The following AGBL4 variants were observed in gnomAD, a reference collection of about 807,000 sequenced individuals.
AGBL4 encodes the protein cytosolic carboxypeptidase 6.
A neutral mutation model predicts 66.4 loss-of-function variants in AGBL4; 58 were observed. That is an observed-to-expected ratio of 0.87 (90% CI 0.71 to 1.09). The LOEUF (loss-of-function observed/expected upper bound fraction) is 1.09, where lower values mean the gene tolerates loss of function less well. Among genes scored for constraint, AGBL4 ranks in the 50% least tolerant of loss-of-function variants. The probability of loss-of-function intolerance (pLI) is 0.00; values close to 1 mark genes in which losing one functional copy is unlikely to be tolerated. For missense variants in AGBL4, 579 were observed against 631.0 expected (o/e 0.92, Z 0.88); for synonymous variants, 234 against 222.9 (o/e 1.05, Z -0.44).
At chr1:49,687,832 A>C (rs1646815373) in intron 3 of AGBL4, among the ~76,000 whole-genome samples, 1 of 152,178 alleles carries the variant, frequency 6.6e-6, no homozygotes, top group Admixed American at 6.5e-5. Flanking sequence ...CCACACTTAC[A>C]CTAAAATTGA....
At chr1:49,040,312 A>G (rs1219755925) in intron 5 of AGBL4, among the ~76,000 whole-genome samples, 1 of 152,054 alleles carries the variant, frequency 6.6e-6, no homozygotes, top group East Asian at 1.9e-4. Context: ...AATTACAGAT[A>G]ATTCTAAGTG....
At chr1:49,636,913 A>G (rs777809792) in intron 3 of AGBL4, among the ~76,000 whole-genome samples, 16 of 152,212 alleles carry the variant, frequency 1.1e-4, no homozygotes, top group Non-Finnish European at 2.2e-4. Flanking sequence ...GCCAAAGGAG[A>G]TTAACATTTG....
At chr1:49,074,060 C>T (rs1644663222) in intron 4 of AGBL4, among the ~76,000 whole-genome samples, 1 of 152,210 alleles carries the variant, frequency 6.6e-6, no homozygotes, top group African/African-American at 2.4e-5. Context: ...CTACTCAAGC[C>T]TCAGCAATGG....
rs751538927 is a variant in AGBL4 at position 49,465,450 on chromosome 1, A to G, written c.283-219586T>C. Among the ~76,000 whole-genome samples the G allele has an allele frequency of 2.6e-5, 4 of 151,726 alleles. 1 individual carries two copies. Among genetic ancestry groups the G allele is most frequent in the Non-Finnish European group, 5.9e-5 (4 of 67,856 alleles). Reference sequence around the variant, plus strand: ...CAGACTACTGTGGGGCTCACAGGAGATAAGGAGCTTTAAAGTGATATAGAA... The same window carrying G: ...CAGACTACTGTGGGGCTCACAGGAGGTAAGGAGCTTTAAAGTGATATAGAA... On this transcript the variant is annotated intron_variant, in intron 3 of 13. Coordinates refer to ENST00000371839, the MANE Select transcript of AGBL4 (RefSeq NM_032785.4).
At chr1:49,896,820 G>A (rs765842278) in intron 1 of AGBL4, among the ~76,000 whole-genome samples, 14 of 151,962 alleles carry the variant, frequency 9.2e-5, no homozygotes, top group Non-Finnish European at 1.8e-4. Flanking sequence ...AAATCAATCA[G>A]TGTGATACAT....
At chr1:49,959,807 T>A (rs1259045737) in intron 1 of AGBL4, among the ~76,000 whole-genome samples, 1 of 151,976 alleles carries the variant, frequency 6.6e-6, no homozygotes, top group African/African-American at 2.4e-5. Flanking sequence ...GTAAACTGGA[T>A]AAAGAAAATG....
intron 6 of AGBL4, among the ~76,000 whole-genome samples, chr1:48,748,573 T>C (rs1216733218): frequency 6.6e-6 from 1 of 152,080 alleles, no homozygotes; most frequent in Non-Finnish European, 1.5e-5. Flanking sequence ...ACTTCTGTGT[T>C]GGGGCTTGGA....
At chr1:48,595,322 A>G (rs1644979156) in intron 9 of AGBL4, among the ~76,000 whole-genome samples, 1 of 152,212 alleles carries the variant, frequency 6.6e-6, no homozygotes, top group Non-Finnish European at 1.5e-5. Context: ...CCTGGTATAT[A>G]GTAGGTCATC....
At chr1:50,010,580 A>G (rs1557658525) in intron 1 of AGBL4, among the ~76,000 whole-genome samples, 1 of 152,132 alleles carries the variant, frequency 6.6e-6, no homozygotes, top group Non-Finnish European at 1.5e-5. Context: ...TGATAGAGCT[A>G]TAGTAACCAA....
At chr1:49,579,949 C>G (rs1193746068) in intron 3 of AGBL4, among the ~76,000 whole-genome samples, 1 of 152,088 alleles carries the variant, frequency 6.6e-6, no homozygotes, top group Non-Finnish European at 1.5e-5. Context: ...GCTGTCTCTC[C>G]CTTTAGGTCT....
chr1:48,929,879 C>T (rs1380967432), intron 5 of AGBL4, among the ~76,000 whole-genome samples: 1 of 152,178 alleles, frequency 6.6e-6, no homozygotes, highest in Non-Finnish European at 1.5e-5. Flanking sequence ...AGACTTTTCT[C>T]TGATTTTATT....
At chr1:49,211,213 T>C (rs1030224500) in intron 4 of AGBL4, among the ~76,000 whole-genome samples, 1 of 152,128 alleles carries the variant, frequency 6.6e-6, no homozygotes, top group African/African-American at 2.4e-5. Context: ...TTGAAATGTC[T>C]CTCTTATTTT....
chr1:49,170,333 A>G (rs987036388), intron 4 of AGBL4, among the ~76,000 whole-genome samples: 1 of 143,430 alleles, frequency 7.0e-6, no homozygotes, highest in African/African-American at 2.5e-5. Flanking sequence ...TCATATAAAT[A>G]TCATATATTA....
chr1:49,700,062 G>A (rs1186329043), intron 2 of AGBL4, among the ~76,000 whole-genome samples: 24 of 151,020 alleles, frequency 1.6e-4, no homozygotes, highest in African/African-American at 5.1e-4. Context: ...TTTTATTTTG[G>A]ATATAATATC....
At chr1:48,602,628 G>C (rs6672623) in intron 9 of AGBL4, among the ~76,000 whole-genome samples, 6 of 152,124 alleles carry the variant, frequency 3.9e-5, no homozygotes, top group Non-Finnish European at 5.9e-5. Flanking sequence ...AGAAGTGTTC[G>C]AGGGTGCCAA....
At chr1:49,387,948 T>C (rs1644768596) in intron 3 of AGBL4, among the ~76,000 whole-genome samples, 1 of 152,046 alleles carries the variant, frequency 6.6e-6, no homozygotes, top group African/African-American at 2.4e-5. Flanking sequence ...ACTGTAGTCT[T>C]GGTCAAGTTA....
At chr1:49,465,150 T>A (rs753315408) in intron 3 of AGBL4, among the ~76,000 whole-genome samples, 3 of 150,580 alleles carry the variant, frequency 2.0e-5, no homozygotes, top group Non-Finnish European at 4.4e-5. Context: ...TATTCTGTCA[T>A]TTCATGTAGG....
intron 8 of AGBL4, among the ~76,000 whole-genome samples, chr1:48,650,644 G>A: frequency 6.6e-6 from 1 of 152,010 alleles, no homozygotes; most frequent in Non-Finnish European, 1.5e-5. Flanking sequence ...ACAGAATTAT[G>A]AGGATTAAAT....
chr1:49,674,908 T>C (rs1270282253), intron 3 of AGBL4, among the ~76,000 whole-genome samples: 2 of 152,200 alleles, frequency 1.3e-5, no homozygotes, highest in Non-Finnish European at 2.9e-5. Context: ...CAATACTGAT[T>C]TTGTTTATGA....
Sources: allele counts gnomAD v4.1 joint callset (sites outside exome capture counted in the v4.1 genomes callset), GRCh38; gene constraint gnomAD v4.1.1; transcripts MANE v1.5; gene names NCBI Gene and HGNC (gene_info 2026-07-23, HGNC 2026-07-21).